LTBP1: variants seen among roughly 807,000 people sequenced by gnomAD.
The protein encoded by LTBP1 is latent-transforming growth factor beta-binding protein 1.
In LTBP1, 129 loss-of-function variants were observed where a neutral mutation model predicts 207.6. The observed-to-expected ratio is 0.62, with a 90% CI of 0.54 to 0.72. The LOEUF (loss-of-function observed/expected upper bound fraction) is 0.72. LTBP1 is among the 30% of genes least tolerant of loss of function. The pLI is 0.00. For missense variants in LTBP1, 2,281 were observed against 2,217.2 expected (o/e 1.03, Z -0.58); for synonymous variants, 963 against 833.7 (o/e 1.16, Z -2.67).
At chr2:33,072,916 G>A (rs2077870456) in intron 3 of LTBP1, among the ~76,000 whole-genome samples, 1 of 152,326 alleles carries the variant, frequency 6.6e-6, no homozygotes, top group East Asian at 1.9e-4. Context: ...GAGGGGGCGA[G>A]GATATGTACT....
Position 33,187,006 on chromosome 2 carries a change from A to G in LTBP1, c.1352A>G (p.Lys451Arg), listed in dbSNP as rs542598800. The G allele has an allele frequency of 8.1e-6, 13 of 1,614,192 alleles. No individual in the cohort carries two copies. Among genetic ancestry groups the G allele is most frequent in the Non-Finnish European group, 1.1e-5 (13 of 1,180,016 alleles). ...TATCAGCATTCCCAGCAGCCAGGCA[A>G]GGCGTTGGGGACGCATGTCATCCAT... ...KLYQHSQQPG[K>R]ALGTHVIHST... The change falls in exon 6 of 34, where the codon AAG becomes AGG. Residue 451 changes from lysine (K) to arginine (R), a missense_variant. Physicochemically the swap from Lys to Arg is conservative, Grantham distance 26. Coordinates refer to ENST00000404816, the MANE Select transcript of LTBP1 (RefSeq NM_206943.4).
At chr2:33,355,495 T>C (rs2094846982) in intron 26 of LTBP1, among the ~76,000 whole-genome samples, 1 of 152,204 alleles carries the variant, frequency 6.6e-6, no homozygotes, top group East Asian at 1.9e-4. Context: ...GTTTTATTTG[T>C]ATTATTTGTT....
At chr2:33,361,631 A>G in intron 28 of LTBP1, 116 bp downstream of exon 28, 1 of 648,544 alleles carries the variant, frequency 1.5e-6, no homozygotes, top group Non-Finnish European at 2.6e-6. Context: ...AAAACTGATT[A>G]CAAAGTCCTT....
intron 3 of LTBP1, among the ~76,000 whole-genome samples, chr2:33,040,825 C>T (rs1002159450): frequency 6.6e-6 from 1 of 152,126 alleles, no homozygotes; most frequent in African/African-American, 2.4e-5. Context: ...TCCCTTAGTG[C>T]TTGTGCTGTG....
chr2:33,387,541 C>T (rs2095277151), intron 31 of LTBP1, among the ~76,000 whole-genome samples: 1 of 152,214 alleles, frequency 6.6e-6, no homozygotes, highest in Non-Finnish European at 1.5e-5. Context: ...CAGGGGCAGC[C>T]AGAATCCTAC....
intron 3 of LTBP1, among the ~76,000 whole-genome samples, chr2:33,093,970 C>T (rs2079248891): frequency 3.9e-5 from 6 of 152,008 alleles, no homozygotes; most frequent in Admixed American, 3.9e-4. Flanking sequence ...CTCCTGGGTC[C>T]TACATAAGTA....
In LTBP1 at chr2:33,396,275, A is replaced by G. The variant is rs550333329; in HGVS notation, c.4835-858A>G. Among the ~76,000 whole-genome samples, 17 of 152,030 alleles carry G rather than the reference A, an allele frequency of 1.1e-4. No homozygotes were observed. In the East Asian group the frequency reaches 1.5e-3, roughly 14 times the overall value. On this transcript the variant is annotated intron_variant, in intron 32 of 33. Transcript: ENST00000404816. ...TCCTGCTCTGTTGCTCAGGCTGGAC[A>G]GTGGCCGTGATCTCAGCACACTGCA...
intron 3 of LTBP1, among the ~76,000 whole-genome samples, chr2:33,022,736 C>G (rs1220437466): frequency 6.6e-6 from 1 of 152,154 alleles, no homozygotes; most frequent in Non-Finnish European, 1.5e-5. Flanking sequence ...CTTTGTGGGA[C>G]ATACGGTTTC....
chr2:33,236,252 A>C (rs1212067050), intron 9 of LTBP1, among the ~76,000 whole-genome samples: 1 of 152,160 alleles, frequency 6.6e-6, no homozygotes, highest in African/African-American at 2.4e-5. Context: ...TTTTCATTTA[A>C]TCTCAGAAAC....
At chr2:33,236,719 A>G (rs1239932096) in intron 9 of LTBP1, among the ~76,000 whole-genome samples, 1 of 152,240 alleles carries the variant, frequency 6.6e-6, no homozygotes, top group African/African-American at 2.4e-5. Context: ...AAGAAAGCCC[A>G]TGATGGATTC....
At chr2:33,330,434 T>C (rs931272336) in intron 24 of LTBP1, among the ~76,000 whole-genome samples, 130 of 151,942 alleles carry the variant, frequency 8.6e-4, no homozygotes, top group African/African-American at 3.0e-3. Flanking sequence ...TGCTTGTCTC[T>C]TTCCTGATAT....
intron 3 of LTBP1, among the ~76,000 whole-genome samples, chr2:33,088,236 G>A (rs1371125179): frequency 2.0e-5 from 3 of 152,106 alleles, no homozygotes; most frequent in Admixed American, 6.5e-5. Context: ...GGTGGATCAC[G>A]AGGTTGGAAG....
In LTBP1 at chr2:33,332,649, C is replaced by T. The variant is rs543630048; in HGVS notation, c.3731-10189C>T. ...TGGGCTCACTGCAAGCTCCACCTCCCGGGTTCACGCCATTCTCCTGCCTCA... is the reference window on the plus strand; with the variant it reads ...TGGGCTCACTGCAAGCTCCACCTCCTGGGTTCACGCCATTCTCCTGCCTCA... On this transcript the variant is annotated intron_variant, in intron 24 of 33. Transcript: ENST00000404816. 1.6e-3 allele frequency among the ~76,000 whole-genome samples: 249 copies of T among 151,930 alleles called. 1 individual carries two copies. The highest frequency in any genetic ancestry group is 2.3e-3 in the South Asian group (11 of 4,784).
chr2:33,245,746 T>G (rs112758843), intron 10 of LTBP1, among the ~76,000 whole-genome samples: 1,529 of 152,348 alleles, frequency 0.01, 18 homozygotes, highest in African/African-American at 0.033. Flanking sequence ...TTAAATCATT[T>G]TATAATTTAA....
intron 3 of LTBP1, among the ~76,000 whole-genome samples, chr2:33,030,058 C>T (rs1438874952): frequency 6.6e-6 from 1 of 152,132 alleles, no homozygotes; most frequent in African/African-American, 2.4e-5. Context: ...TCAGTGCTTT[C>T]AGAGCACTGC....
At chr2:33,304,403 T>G (rs541335745) in intron 22 of LTBP1, among the ~76,000 whole-genome samples, 2 of 152,290 alleles carry the variant, frequency 1.3e-5, no homozygotes, top group East Asian at 3.9e-4. Context: ...GAGCCATCTT[T>G]CTTGTTGGCT....
At chr2:33,200,611 C>A (rs933350708) in intron 7 of LTBP1, among the ~76,000 whole-genome samples, 15 of 152,208 alleles carry the variant, frequency 9.9e-5, no homozygotes, top group African/African-American at 3.4e-4. Flanking sequence ...GCAACAAAAG[C>A]CAAAATTGAC....
chr2:32,990,449 T>C (rs1684232189), intron 2 of LTBP1, among the ~76,000 whole-genome samples: 1 of 152,240 alleles, frequency 6.6e-6, no homozygotes, highest in South Asian at 2.1e-4. Flanking sequence ...GAGTTCCATG[T>C]AAAATGCACT....
At position 32,947,365 on chromosome 2, in the gene LTBP1, C is replaced by G. The variant is rs1050327734; in HGVS notation, c.41C>G (p.Ala14Gly). The change falls in exon 1 of 34, where the codon GCA (alanine) becomes GGA (glycine). Residue 14 changes from alanine (A) to glycine (G), a missense_variant. Physicochemically the swap from Ala to Gly is moderately conservative, Grantham distance 60 (BLOSUM62 0). This residue lies in a region of LTBP1 where 555 missense variants were observed against 491.0 expected (regional missense o/e 1.13). Transcript: ENST00000404816. The stretch of plus-strand genomic sequence containing the variant: ...CTCAGGTGGGGGCTCCTGCTCTGGG[C>G]AGGGCTCCTCGCGTCCTCGGCGCAC... Reference protein sequence around the residue: ...AWLRWGLLLWAGLLASSAHGR... With the variant: ...AWLRWGLLLWGGLLASSAHGR... 1.5e-6 allele frequency: 2 copies of G among 1,346,006 alleles called. No individual in the cohort carries two copies. The highest frequency in any genetic ancestry group is 1.8e-5 in the South Asian group (1 of 55,294). The allele number at this position is 1,346,006 out of a possible 1,614,324, so 83.4% of individuals were successfully genotyped here. A position where few individuals can be genotyped will look rare whatever the true frequency, so the allele number is the denominator to read the frequency against.
Sources: gnomAD v4.1 joint callset for allele counts (sites outside exome capture counted in the v4.1 genomes callset) on GRCh38, gnomAD v4.1.1 for gene constraint, gnomAD v4.1.1 regional missense constraint, MANE v1.5 for transcripts, NCBI Gene and HGNC (gene_info 2026-07-23, HGNC 2026-07-21) for gene names.